The following RETREG3 variants were observed in gnomAD, a reference collection of about 807,000 sequenced individuals.
The protein encoded by RETREG3 is reticulophagy regulator family member 3, also known as reticulophagy regulator 3.
A neutral mutation model predicts 50.2 loss-of-function variants in RETREG3; 23 were observed. That is an observed-to-expected ratio of 0.46 (90% CI 0.33 to 0.65). The LOEUF is 0.65. RETREG3 is among the 30% of genes least tolerant of loss of function. The pLI, the probability that RETREG3 is intolerant of heterozygous loss-of-function variation, is 0.02. For synonymous variants in RETREG3, 240 were observed against 234.4 expected (o/e 1.02, Z -0.22); for missense variants, 546 against 598.0 (o/e 0.91, Z 0.91).
rs2093107105 is a variant in RETREG3, at chr17:42,581,049, AAAAGAAAAG to A, written c.*755_*763del. ...GAGAGACTCTGTCTCAAAAAAAAAAAAAAGAAAAGAAAAGAAAAGAAAAAAATCAAATCC... is the reference window on the plus strand; with the variant it reads ...GAGAGACTCTGTCTCAAAAAAAAAAAAAAAGAAAAGAAAAAAATCAAATCC... On this transcript the variant is annotated 3_prime_UTR_variant, in exon 9 of 9. Coordinates refer to ENST00000309428, the MANE Select transcript of RETREG3 (RefSeq NM_178126.4). 2 of 2,672 alleles carry A rather than the reference AAAAGAAAAG, an allele frequency of 7.5e-4. No individual in the cohort carries two copies. Among genetic ancestry groups the A allele is most frequent in the Non-Finnish European group, 1.8e-3 (2 of 1,082 alleles). 0.2% of individuals were successfully genotyped at this position (2,672 alleles called of 1,614,324 possible). A position where few individuals can be genotyped will look rare whatever the true frequency, so the allele number is the denominator to read the frequency against.
intron 7 of RETREG3, 115 bp from the exon 8 acceptor site, chr17:42,582,921 A>G: frequency 3.7e-6 from 5 of 1,351,220 alleles, no homozygotes; most frequent in Non-Finnish European, 5.1e-6. Context: ...AAATCAATGT[A>G]ACCAGGGATA....
intron 2 of RETREG3, among the ~76,000 whole-genome samples, chr17:42,591,205 A>G (rs997347792): frequency 1.3e-5 from 2 of 152,206 alleles, no homozygotes; most frequent in Non-Finnish European, 2.9e-5. Context: ...CAGGCTAGGG[A>G]AAAAATACAT....
chr17:42,603,399 G>A (rs577472894), intron 1 of RETREG3, among the ~76,000 whole-genome samples: 3 of 152,238 alleles, frequency 2.0e-5, no homozygotes, highest in East Asian at 1.9e-4. Context: ...ACTTGTGACC[G>A]CCTGGTTAAT....
chr17:42,592,678 A>G (rs2093135558), intron 1 of RETREG3, among the ~76,000 whole-genome samples: 2 of 152,230 alleles, frequency 1.3e-5, no homozygotes, highest in African/African-American at 4.8e-5. Flanking sequence ...CTGGCCAGGC[A>G]CAGTGGCTCA....
intron 1 of RETREG3, among the ~76,000 whole-genome samples, chr17:42,594,390 T>A (rs986580140): frequency 3.9e-5 from 6 of 152,098 alleles, no homozygotes; most frequent in Non-Finnish European, 4.4e-5. Flanking sequence ...ACCCTGTCTC[T>A]ACTAAAAGTA....
intron 1 of RETREG3, among the ~76,000 whole-genome samples, chr17:42,595,628 G>T (rs60853455): frequency 5.3e-5 from 8 of 150,104 alleles, no homozygotes; most frequent in Non-Finnish European, 1.0e-4. Context: ...CAAGAACTCA[G>T]AAATCCAGTC....
chr17:42,593,900 T>C lies in RETREG3; in HGVS notation c.240-1738A>G, dbSNP rs911599695. Among the ~76,000 whole-genome samples, 7 of 152,074 alleles carry C rather than the reference T, an allele frequency of 4.6e-5. No individual in the cohort carries two copies. The South Asian group carries it at 6.2e-4, about 14-fold the overall frequency. ...TAACATGTGATGTGAACATGAACTATAGAGCCCTGGCCAGGTGTGGTGGCT... is the reference window on the plus strand; with the variant it reads ...TAACATGTGATGTGAACATGAACTACAGAGCCCTGGCCAGGTGTGGTGGCT... On this transcript the variant is annotated intron_variant, in intron 1 of 8. Transcript: ENST00000309428.
At chr17:42,607,306 C>T (rs1243987409) in intron 1 of RETREG3, among the ~76,000 whole-genome samples, 1 of 151,904 alleles carries the variant, frequency 6.6e-6, no homozygotes, top group African/African-American at 2.4e-5. Flanking sequence ...CGAGACCAGC[C>T]TGGGCAATAT....
intron 1 of RETREG3, among the ~76,000 whole-genome samples, chr17:42,607,601 T>A (rs2143438826): frequency 6.6e-6 from 1 of 150,512 alleles, no homozygotes; most frequent in East Asian, 2.0e-4. Context: ...CCTCGGGAGT[T>A]CGAGACCAGC....
At position 42,581,650 on chromosome 17, in the gene RETREG3, G is replaced by T; in HGVS notation, c.*163C>A. 1 of 605,240 alleles carries T rather than the reference G, an allele frequency of 1.7e-6. No homozygotes were observed. The highest frequency in any genetic ancestry group is 2.8e-6 in the Non-Finnish European group (1 of 359,030). 37.5% of individuals were successfully genotyped at this position (605,240 alleles called of 1,614,324 possible). A position where few individuals can be genotyped will look rare whatever the true frequency, so the allele number is the denominator to read the frequency against. On this transcript the variant is annotated 3_prime_UTR_variant, in exon 9 of 9. Transcript: ENST00000309428. ...TGGGCATCCAGCTGGTGGGAGGGGA[G>T]TGAGTGTCCTCTCTAAGGAGGCCTC...
At chr17:42,604,938 G>C (rs1415077361) in intron 1 of RETREG3, among the ~76,000 whole-genome samples, 1 of 151,994 alleles carries the variant, frequency 6.6e-6, no homozygotes, top group Non-Finnish European at 1.5e-5. Flanking sequence ...CTCATTCACA[G>C]ATGAGGTTGA....
intron 2 of RETREG3, among the ~76,000 whole-genome samples, chr17:42,590,377 A>G (rs960700023): frequency 1.3e-5 from 2 of 152,076 alleles, no homozygotes; most frequent in Non-Finnish European, 2.9e-5. Flanking sequence ...AGTTTGTTAA[A>G]AAATAAGAAT....
rs1342239060 is a variant in RETREG3, at chr17:42,592,101, C to T, written c.301G>A (p.Val101Met). Reference protein sequence around the residue: ...FLLAFGLMIIVCIDQWKNKIW... With the variant: ...FLLAFGLMIIMCIDQWKNKIW... ...TTGTTCTTCCATTGATCAATACACACAATGATCATCAAGCCAAATGCAAGT... is the reference window on the plus strand; with the variant it reads ...TTGTTCTTCCATTGATCAATACACATAATGATCATCAAGCCAAATGCAAGT... Residue 101 changes from valine (V) to methionine (M), a missense_variant, in exon 2 of 9, where the codon GTG (valine) becomes ATG (methionine). Transcript: ENST00000309428. The T allele has an allele frequency of 3.1e-6, 5 of 1,613,960 alleles. No homozygotes were observed. The highest frequency in any genetic ancestry group is 4.2e-6 in the Non-Finnish European group (5 of 1,179,968).
intron 1 of RETREG3, among the ~76,000 whole-genome samples, chr17:42,601,252 G>C (rs2093157840): frequency 6.6e-6 from 1 of 151,760 alleles, no homozygotes; most frequent in Non-Finnish European, 1.5e-5. Flanking sequence ...ACTCCAGCCT[G>C]GGCAACACAG....
intron 1 of RETREG3, among the ~76,000 whole-genome samples, chr17:42,604,265 T>C (rs895642665): frequency 2.0e-5 from 3 of 152,144 alleles, no homozygotes; most frequent in African/African-American, 7.2e-5. Flanking sequence ...CTGAGACTAG[T>C]GACTGCAAAA....
chr17:42,598,323 T>C (rs936612414), intron 1 of RETREG3, among the ~76,000 whole-genome samples: 10 of 152,232 alleles, frequency 6.6e-5, no homozygotes, highest in African/African-American at 2.4e-4. Flanking sequence ...CAAAAAAAGA[T>C]AAATCTGGGA....
intron 1 of RETREG3, among the ~76,000 whole-genome samples, chr17:42,600,023 C>T (rs1670854185): frequency 6.6e-6 from 1 of 151,582 alleles, no homozygotes; most frequent in Admixed American, 6.6e-5. Flanking sequence ...CAGAAAAAAC[C>T]ACCTAAACAC....
intron 8 of RETREG3, among the ~76,000 whole-genome samples, 196 bp downstream of exon 8, chr17:42,582,478 G>C (rs2093111558): frequency 6.6e-6 from 1 of 152,216 alleles, no homozygotes; most frequent in Non-Finnish European, 1.5e-5. Context: ...TAGTGCCTGA[G>C]GCTACTAAGG....
chr17:42,605,378 T>C (rs2093166023), intron 1 of RETREG3: 1 of 152,138 alleles, frequency 6.6e-6, no homozygotes, highest in Admixed American at 6.5e-5. Flanking sequence ...ATATTTCAGA[T>C]TTGATTTTTC....
Sources: gnomAD v4.1 joint callset for allele counts (sites outside exome capture counted in the v4.1 genomes callset) on GRCh38, gnomAD v4.1.1 for gene constraint, MANE v1.5 for transcripts, NCBI Gene and HGNC (gene_info 2026-07-23, HGNC 2026-07-21) for gene names.